Variants in NDUFAF1 observed in about 807,000 individuals in gnomAD.
NDUFAF1 encodes NADH:ubiquinone oxidoreductase complex assembly factor 1, also known as complex I intermediate-associated protein 30, mitochondrial.
In NDUFAF1, 18 loss-of-function variants were observed where a neutral mutation model predicts 28.7. That is an observed-to-expected ratio of 0.63 (90% confidence interval 0.43 to 0.93). NDUFAF1 has a LOEUF of 0.93. Among genes scored for constraint, NDUFAF1 ranks in the 40% least tolerant of loss-of-function variants. The pLI is 0.00. For synonymous variants in NDUFAF1, 113 were observed against 139.7 expected, an observed-to-expected ratio of 0.81 and a Z score of 1.35; for missense variants, 404 against 398.3, an observed-to-expected ratio of 1.01 and a Z score of -0.12.
rs1035945898 is a variant in NDUFAF1 at position 41,396,595 on chromosome 15, G to A, written c.465C>T (p.Gly155=). 6.2e-7 allele frequency: 1 copy of A among 1,613,898 alleles called. No individual in the cohort carries two copies. Among genetic ancestry groups the A allele is most frequent in the Non-Finnish European group, 8.5e-7 (1 of 1,180,020 alleles). The change falls in exon 2 of 5, where the codon GGC becomes GGT. Residue 155 remains glycine (G), a synonymous_variant. Transcript: ENST00000260361. ...ATAGCAGTGCACTTTGGTTATTCTT[G>A]CCCATTTTCAAAAACACTTCACTTC... ...GGRSEVFLKM[G]KNNQSALLYG...
chr15:41,388,633 T>C (rs2140908333), intron 3 of NDUFAF1, 111 bp from the exon 4 acceptor site: 8 of 760,942 alleles, frequency 1.1e-5, no homozygotes, highest in South Asian at 8.9e-5. Context: ...ATGTCATATA[T>C]GTATTATGAC....
upstream of NDUFAF1, among the ~76,000 whole-genome samples, chr15:41,402,955 C>T (rs922204632): frequency 2.6e-5 from 4 of 151,862 alleles, no homozygotes; most frequent in Non-Finnish European, 4.4e-5. Flanking sequence ...TGATCTCGAT[C>T]TCCTGACCTC....
chr15:41,398,556 A>C (rs1426628866), intron 1 of NDUFAF1, among the ~76,000 whole-genome samples: 1 of 151,530 alleles, frequency 6.6e-6, no homozygotes, highest in East Asian at 1.9e-4. Flanking sequence ...TCGATAACTC[A>C]TTGTAGCCTT....
intron 3 of NDUFAF1, among the ~76,000 whole-genome samples, chr15:41,392,193 C>G (rs540647709): frequency 1.3e-5 from 2 of 151,706 alleles, no homozygotes; most frequent in South Asian, 4.2e-4. Flanking sequence ...CTGCCTCAGC[C>G]TCCTGAGGAG....
intron 1 of NDUFAF1, 43 bp downstream of exon 1, chr15:41,402,101 C>G: frequency 2.4e-6 from 1 of 421,724 alleles, no homozygotes; most frequent in Non-Finnish European, 4.9e-6. Flanking sequence ...ACAATCCACG[C>G]AGCTAGAAGT....
chr15:41,398,580 C>A (rs1211047737), intron 1 of NDUFAF1, among the ~76,000 whole-genome samples: 1 of 152,092 alleles, frequency 6.6e-6, no homozygotes. Context: ...CTCCTGGGCC[C>A]TGGACTGAAA....
In NDUFAF1 at chr15:41,402,431, G is replaced by C. The variant is rs1053342029; in HGVS notation, c.-369C>G. 4.6e-6 allele frequency: 2 copies of C among 434,114 alleles called. No homozygotes were observed. The highest frequency in any genetic ancestry group is 4.9e-5 in the Admixed American group (2 of 40,740). 26.9% of individuals were successfully genotyped at this position (434,114 alleles called of 1,614,324 possible). ...CACACCCGGGACACACCAACCGCCG[G>C]CCTGCCGCCGCTTACCTCCCCGAGC... On this transcript the variant is annotated 5_prime_UTR_variant, in exon 1 of 5. Coordinates refer to ENST00000260361, the MANE Select transcript of NDUFAF1 (RefSeq NM_016013.4).
intron 1 of NDUFAF1, among the ~76,000 whole-genome samples, chr15:41,399,681 C>T (rs544561892): frequency 2.7e-4 from 40 of 150,678 alleles, no homozygotes; most frequent in Non-Finnish European, 3.8e-4. Flanking sequence ...GGTGAAACCC[C>T]GTCTCTACTA....
intron 1 of NDUFAF1, among the ~76,000 whole-genome samples, chr15:41,400,712 G>GTT (rs1566827639): frequency 7.9e-6 from 1 of 126,094 alleles, no homozygotes; most frequent in Non-Finnish European, 1.6e-5. Flanking sequence ...TTTTTTTTTG[G>GTT]ATTTTTAATA....
At chr15:41,400,011 G>A (rs909596223) in intron 1 of NDUFAF1, among the ~76,000 whole-genome samples, 2 of 151,930 alleles carry the variant, frequency 1.3e-5, no homozygotes, top group Non-Finnish European at 2.9e-5. Context: ...AGTGAGCCAA[G>A]ATCAAGCCAC....
intron 3 of NDUFAF1, among the ~76,000 whole-genome samples, chr15:41,390,893 G>A (rs1456610644): frequency 4.6e-5 from 7 of 151,932 alleles, no homozygotes; most frequent in East Asian, 1.9e-4. Flanking sequence ...TTAGCTGGGC[G>A]TGGTGGTGGG....
At chr15:41,389,404 A>G (rs2050292083) in intron 3 of NDUFAF1, among the ~76,000 whole-genome samples, 2 of 152,066 alleles carry the variant, frequency 1.3e-5, no homozygotes, top group African/African-American at 4.8e-5. Flanking sequence ...TCTCCAGGAT[A>G]TATTCCTAAA....
intron 1 of NDUFAF1, among the ~76,000 whole-genome samples, chr15:41,398,037 A>AC (rs2050414650): frequency 6.6e-6 from 1 of 150,692 alleles, no homozygotes; most frequent in Non-Finnish European, 1.5e-5. Flanking sequence ...AAAAAAAAAA[A>AC]AAAAAAACAG....
At position 41,397,110 on chromosome 15, in the gene NDUFAF1, C is replaced by T. The variant is rs1158157373; in HGVS notation, c.-51G>A. On this transcript the variant is annotated 5_prime_UTR_variant, in exon 2 of 5. Transcript: ENST00000260361. ...TTCTTCCTGGGCTAGCAAGGGCCAC[C>T]AAGAAGCTTCAGCAAATAGCCCAAT... The T allele has an allele frequency of 1.3e-6, 2 of 1,526,600 alleles. No homozygotes were observed. Among genetic ancestry groups the T allele is most frequent in the Admixed American group, 3.6e-5 (2 of 56,336 alleles). 94.6% of individuals were successfully genotyped at this position (1,526,600 alleles called of 1,614,324 possible).
At chr15:41,394,577 T>G (rs2050358032) in intron 3 of NDUFAF1, among the ~76,000 whole-genome samples, 1 of 147,398 alleles carries the variant, frequency 6.8e-6, no homozygotes. Flanking sequence ...CAAGAAAGAT[T>G]AGTAACAAAA....
chr15:41,393,945 G>A (rs1196476281), intron 3 of NDUFAF1, among the ~76,000 whole-genome samples: 1 of 150,308 alleles, frequency 6.7e-6, no homozygotes, highest in African/African-American at 2.5e-5. Context: ...CTGATCTCAG[G>A]TGATTTACCC....
chr15:41,391,786 T>G (rs1192499030), intron 3 of NDUFAF1, among the ~76,000 whole-genome samples: 2 of 152,036 alleles, frequency 1.3e-5, no homozygotes, highest in Non-Finnish European at 2.9e-5. Context: ...GTTACAGGAA[T>G]CAGGAAAGGC....
At chr15:41,389,758 C>T (rs1487905076) in intron 3 of NDUFAF1, among the ~76,000 whole-genome samples, 1 of 151,448 alleles carries the variant, frequency 6.6e-6, no homozygotes, top group African/African-American at 2.4e-5. Context: ...GAAGAGAGAC[C>T]CTGTCTCAAA....
intron 1 of NDUFAF1, among the ~76,000 whole-genome samples, chr15:41,401,530 T>A (rs1264065376): frequency 6.6e-6 from 1 of 151,078 alleles, no homozygotes; most frequent in Non-Finnish European, 1.5e-5. Context: ...CACCTCCTGG[T>A]TTCAAGCAAT....
Sources: gnomAD v4.1 joint callset for allele counts (sites outside exome capture counted in the v4.1 genomes callset) on GRCh38, gnomAD v4.1.1 for gene constraint, MANE v1.5 for transcripts, NCBI Gene and HGNC (gene_info 2026-07-23, HGNC 2026-07-21) for gene names.